Variants in DDX31 observed in about 807,000 individuals in gnomAD.
DDX31 encodes the protein DEAD-box helicase 31.
DDX31 carries 70 observed loss-of-function variants against 91.3 expected under a neutral mutation model. That is an observed-to-expected ratio of 0.77 (90% CI 0.63 to 0.94). The LOEUF is 0.94. DDX31 is among the 40% of genes least tolerant of loss of function. The pLI is 0.00. For missense variants in DDX31, 902 were observed against 925.0 expected, an observed-to-expected ratio of 0.98 and a Z score of 0.32; for synonymous variants, 362 against 350.6, an observed-to-expected ratio of 1.03 and a Z score of -0.36.
rs892645761 is a variant in DDX31, at chr9:132,663,104, T to A, written c.76-409A>T. 4.2e-5 allele frequency: 48 copies of A among 1,137,934 alleles called. No individual in the cohort carries two copies. The African/African-American group carries it at 6.7e-4, about 16-fold the overall frequency. 70.5% of individuals were successfully genotyped at this position (1,137,934 alleles called of 1,614,324 possible). ...CATTCACCCAAGGAGAAAAGAGGGG[T>A]GGGGGAAAACGAATCTTTTCTCTCC... On this transcript the variant is annotated intron_variant, in intron 1 of 19. Coordinates refer to ENST00000372159, the MANE Select transcript of DDX31 (RefSeq NM_022779.9).
Position 132,659,773 on chromosome 9 carries a change from T to C in DDX31, c.460A>G (p.Lys154Glu). The change falls in exon 5 of 20, where the codon AAG becomes GAG. Residue 154 changes from lysine to glutamate, a missense_variant. Coordinates refer to ENST00000372159, the MANE Select transcript of DDX31 (RefSeq NM_022779.9). ...TCCAGCAACACAGGAATACTTTGCTTCTGAACACTGGGCCACCCGAAAAAA... is the reference window on the plus strand; with the variant it reads ...TCCAGCAACACAGGAATACTTTGCTCCTGAACACTGGGCCACCCGAAAAAA... Reference protein sequence around the residue: ...LKMSSMTSVQKQSIPVLLEGR... With the variant: ...LKMSSMTSVQEQSIPVLLEGR... 2 of 1,613,200 alleles carry C rather than the reference T, an allele frequency of 1.2e-6. No homozygotes were observed. Among genetic ancestry groups the C allele is most frequent in the Non-Finnish European group, 1.7e-6 (2 of 1,179,590 alleles).
Position 132,593,496 on chromosome 9 carries a change from T to C in DDX31, c.*1370A>G, listed in dbSNP as rs1156450985. 6.6e-6 allele frequency: 1 copy of C among 152,210 alleles called. No homozygotes were observed. Among genetic ancestry groups the C allele is most frequent in the Non-Finnish European group, 1.5e-5 (1 of 68,026 alleles). 9.4% of individuals were successfully genotyped at this position (152,210 alleles called of 1,614,324 possible). On this transcript the variant is annotated 3_prime_UTR_variant, in exon 20 of 20. Coordinates refer to ENST00000372159, the MANE Select transcript of DDX31 (RefSeq NM_022779.9). ...CAGGGTTGTTGTTTTTTAATTATTA[T>C]TGTTAGAAACGTCACCCACAGTCCC...
chr9:132,628,387 T>A (rs1219173833), intron 16 of DDX31, among the ~76,000 whole-genome samples: 1 of 152,240 alleles, frequency 6.6e-6, no homozygotes, highest in East Asian at 1.9e-4. Context: ...TAATGCGGGA[T>A]TAAAAAGGGA....
chr9:132,632,508 T>G (rs547414892), intron 14 of DDX31, among the ~76,000 whole-genome samples: 20 of 152,258 alleles, frequency 1.3e-4, no homozygotes, highest in Admixed American at 1.2e-3. Context: ...CATGTTTTAT[T>G]GATTTACATT....
Position 132,642,041 on chromosome 9 carries a change from T to C in DDX31, c.1403A>G (p.Glu468Gly), listed in dbSNP as rs1385640052. 2 of 1,614,200 alleles carry C rather than the reference T, an allele frequency of 1.2e-6. No homozygotes were observed. The highest frequency in any genetic ancestry group is 4.5e-5 in the East Asian group (2 of 44,894). The change falls in exon 14 of 20, where the codon GAA becomes GGA. Residue 468 changes from glutamate (E) to glycine (G), a missense_variant. Glu to Gly is a moderately conservative substitution (Grantham distance 98). Transcript: ENST00000372159. ...EQEERTAVFQ[E>G]FSHSRRGVLL... ...GACGCCTCTTCTGGAATGTGAAAAT[T>C]CCTGAAACACTGCTGTTCTTTCCTA...
chr9:132,637,968 G>C (rs1833231492), intron 14 of DDX31: 1 of 1,015,862 alleles, frequency 9.8e-7, no homozygotes, highest in African/African-American at 1.7e-5. Flanking sequence ...AAATTCCCCA[G>C]GAGGAGAGGA....
At chr9:132,624,339 C>T (rs1832258167) in intron 17 of DDX31, among the ~76,000 whole-genome samples, 1 of 152,050 alleles carries the variant, frequency 6.6e-6, no homozygotes, top group Admixed American at 6.6e-5. Flanking sequence ...GCTTACGAGT[C>T]TTATATGAAG....
chr9:132,651,022 T>A, intron 8 of DDX31, 53 bp downstream of exon 8: 1 of 1,497,858 alleles, frequency 6.7e-7, no homozygotes, highest in Non-Finnish European at 9.2e-7. Context: ...GTATATTAAA[T>A]CCTTCCTCAA....
In DDX31 at chr9:132,662,541, T is replaced by C; in HGVS notation, c.230A>G (p.Lys77Arg). ...KGNAQKMFSP[K>R]KHSVSTSDRN... ...ATCACTTGTGCTAACCGAATGCTTC[T>C]TTGGAGAAAACATTTTTTGTGCGTT... Residue 77 changes from lysine (K) to arginine (R), a missense_variant, in exon 2 of 20, where the codon AAG (lysine) becomes AGG (arginine). Physicochemically the swap from Lys to Arg is conservative, Grantham distance 26. Transcript: ENST00000372159. 1.2e-6 allele frequency: 2 copies of C among 1,614,258 alleles called. No homozygotes were observed. Among genetic ancestry groups the C allele is most frequent in the Non-Finnish European group, 1.7e-6 (2 of 1,180,052 alleles).
intron 17 of DDX31, among the ~76,000 whole-genome samples, chr9:132,621,278 T>C (rs187480270): frequency 1.5e-4 from 23 of 152,308 alleles, no homozygotes; most frequent in African/African-American, 5.5e-4. Context: ...TCCAAGGTAT[T>C]TTTAAGCAAA....
chr9:132,635,938 C>G (rs536097793), intron 14 of DDX31, among the ~76,000 whole-genome samples: 1 of 151,846 alleles, frequency 6.6e-6, no homozygotes, highest in South Asian at 2.1e-4. Context: ...GAGCAAAACT[C>G]TGTCTCAAAA....
intron 13 of DDX31, among the ~76,000 whole-genome samples, chr9:132,644,776 T>G (rs1246051981): frequency 6.6e-6 from 1 of 152,122 alleles, no homozygotes; most frequent in East Asian, 1.9e-4. Context: ...ATTAACGGTA[T>G]TAAATAAATA....
At chr9:132,662,118 T>C in intron 3 of DDX31, 143 bp downstream of exon 3, 1 of 794,632 alleles carries the variant, frequency 1.3e-6, no homozygotes, top group South Asian at 1.8e-5. Flanking sequence ...AAGAGTATCA[T>C]ATCAATCTGA....
chr9:132,594,203 G>GT lies in DDX31; in HGVS notation c.*662dup. ...CAGTAAATCAATTAGCCCTGAGAGA[G>GT]TGAGTTTTCAGTGGACATGAAAGAG... On this transcript the variant is annotated 3_prime_UTR_variant, in exon 20 of 20. Coordinates refer to ENST00000372159, the MANE Select transcript of DDX31 (RefSeq NM_022779.9). 1 of 152,338 alleles carries GT rather than the reference G, an allele frequency of 6.6e-6. No homozygotes were observed. Among genetic ancestry groups the GT allele is most frequent in the Non-Finnish European group, 1.5e-5 (1 of 68,054 alleles). 9.4% of individuals were successfully genotyped at this position (152,338 alleles called of 1,614,324 possible).
chr9:132,603,067 G>A (rs1350649877), intron 19 of DDX31, among the ~76,000 whole-genome samples: 3 of 152,202 alleles, frequency 2.0e-5, no homozygotes, highest in East Asian at 3.8e-4. Context: ...TCCTGCCTTG[G>A]TCACAGGGAC....
At chr9:132,616,519 C>A (rs1831635197) in intron 18 of DDX31, among the ~76,000 whole-genome samples, 1 of 152,184 alleles carries the variant, frequency 6.6e-6, no homozygotes, top group South Asian at 2.1e-4. Flanking sequence ...TCGAAGGTGA[C>A]AGTGTGGGTT....
At chr9:132,649,768 G>A (rs1834066575) in intron 9 of DDX31, among the ~76,000 whole-genome samples, 1 of 152,136 alleles carries the variant, frequency 6.6e-6, no homozygotes, top group African/African-American at 2.4e-5. Context: ...AGATTTACTT[G>A]TTGCAACGAT....
intron 12 of DDX31, 60 bp from the exon 13 acceptor site, chr9:132,646,131 G>A (rs569905366): frequency 1.1e-5 from 17 of 1,538,026 alleles, no homozygotes; most frequent in Non-Finnish European, 1.4e-5. Context: ...ACGCCAAAAC[G>A]AATATTTCTC....
At chr9:132,611,695 T>TA (rs1831350717) in intron 19 of DDX31, among the ~76,000 whole-genome samples, 1 of 152,212 alleles carries the variant, frequency 6.6e-6, no homozygotes, top group East Asian at 1.9e-4. Flanking sequence ...GCCAGCCTGT[T>TA]AGAGATCTGG....
Sources: gnomAD v4.1 joint callset for allele counts (sites outside exome capture counted in the v4.1 genomes callset) on GRCh38, gnomAD v4.1.1 for gene constraint, MANE v1.5 for transcripts, NCBI Gene and HGNC (gene_info 2026-07-23, HGNC 2026-07-21) for gene names.